Variants in NTRK2 observed in about 807,000 individuals in gnomAD.
The protein encoded by NTRK2 is neurotrophic receptor tyrosine kinase 2.
NTRK2 carries 13 observed loss-of-function variants against 94.5 expected under a neutral mutation model. The observed-to-expected ratio is 0.14, with a 90% confidence interval of 0.09 to 0.22. NTRK2 has a LOEUF of 0.22. Among genes scored for constraint, NTRK2 ranks in the 10% least tolerant of loss-of-function variants. The pLI, the probability that NTRK2 is intolerant of heterozygous loss-of-function variation, is 1.00. For missense variants in NTRK2, 639 were observed against 1,071.2 expected (o/e 0.60, Z 5.63); for synonymous variants, 372 against 407.4 (o/e 0.91, Z 1.05).
At chr9:84,912,729 C>G (rs2077276609) in intron 14 of NTRK2, among the ~76,000 whole-genome samples, 1 of 150,900 alleles carries the variant, frequency 6.6e-6, no homozygotes, top group Non-Finnish European at 1.5e-5. Flanking sequence ...ATGCCATTCT[C>G]CTGTCAGCCT....
chr9:84,881,149 G>A (rs1433974452), intron 14 of NTRK2, among the ~76,000 whole-genome samples: 1 of 152,280 alleles, frequency 6.6e-6, no homozygotes, highest in East Asian at 1.9e-4. Context: ...TTTCCCTGGG[G>A]TGGGGGTTAT....
At position 84,709,603 on chromosome 9, in the gene NTRK2, A is replaced by C. The variant is rs547483265; in HGVS notation, c.429-1034A>C. On this transcript the variant is annotated intron_variant, in intron 5 of 18. Transcript: ENST00000277120. Reference sequence around the variant, plus strand: ...CTGAGATTCTTAGAACCCAACCAGAAAACCACAGGAGTAAATGATGTTGCA... The same window carrying C: ...CTGAGATTCTTAGAACCCAACCAGACAACCACAGGAGTAAATGATGTTGCA... Among the ~76,000 whole-genome samples the C allele has an allele frequency of 2.0e-5, 3 of 152,306 alleles. No individual in the cohort carries two copies. In the East Asian group the frequency reaches 5.8e-4, roughly 29 times the overall value.
intron 17 of NTRK2, among the ~76,000 whole-genome samples, chr9:84,989,708 A>G (rs1828804394): frequency 6.6e-6 from 1 of 152,260 alleles, no homozygotes; most frequent in Admixed American, 6.5e-5. Flanking sequence ...GAACCAGGCT[A>G]TAAGCCTTCC....
At chr9:84,764,147 A>G (rs1041019866) in intron 12 of NTRK2, among the ~76,000 whole-genome samples, 2 of 152,184 alleles carry the variant, frequency 1.3e-5, no homozygotes, top group Admixed American at 6.5e-5. Context: ...TTGTTACACT[A>G]TCAGTGGAAG....
chr9:84,836,987 A>AATAG (rs2073917334), intron 12 of NTRK2, among the ~76,000 whole-genome samples: 1 of 129,034 alleles, frequency 7.7e-6, no homozygotes, highest in Non-Finnish European at 1.7e-5. Context: ...TAATATAATA[A>AATAG]TACTGGAATA....
intron 14 of NTRK2, among the ~76,000 whole-genome samples, chr9:84,925,975 A>T (rs1296924610): frequency 6.6e-6 from 1 of 152,106 alleles, no homozygotes; most frequent in African/African-American, 2.4e-5. Context: ...TTATTTAACA[A>T]TGAGGAAGGG....
intron 12 of NTRK2, among the ~76,000 whole-genome samples, chr9:84,782,835 C>T (rs920891069): frequency 6.6e-6 from 1 of 152,146 alleles, no homozygotes; most frequent in Admixed American, 6.5e-5. Context: ...TGGGTGGGAA[C>T]TCAGTTCTTT....
At chr9:84,982,453 A>G (rs906002444) in intron 17 of NTRK2, among the ~76,000 whole-genome samples, 5 of 152,190 alleles carry the variant, frequency 3.3e-5, no homozygotes, top group African/African-American at 1.2e-4. Context: ...CTAGGAATCT[A>G]TGGTCAAAAG....
chr9:84,977,859 T>C (rs1043320985), intron 17 of NTRK2, among the ~76,000 whole-genome samples: 13 of 152,378 alleles, frequency 8.5e-5, no homozygotes, highest in Non-Finnish European at 1.5e-4. Context: ...TGGTAACTCA[T>C]GCAAAATCTC....
chr9:84,885,297 A>G (rs994479848), intron 14 of NTRK2, among the ~76,000 whole-genome samples: 1 of 152,224 alleles, frequency 6.6e-6, no homozygotes, highest in Non-Finnish European at 1.5e-5. Context: ...CAAATGACCA[A>G]CCACTAAAAG....
chr9:84,711,039 T>G (rs1160462620), intron 6 of NTRK2, among the ~76,000 whole-genome samples: 1 of 152,170 alleles, frequency 6.6e-6, no homozygotes, highest in African/African-American at 2.4e-5. Flanking sequence ...GTTTGTTCAT[T>G]TGCTTATTTG....
At chr9:84,856,380 C>T (rs1344939552) in intron 12 of NTRK2, among the ~76,000 whole-genome samples, 1 of 152,156 alleles carries the variant, frequency 6.6e-6, no homozygotes, top group Non-Finnish European at 1.5e-5. Flanking sequence ...CTGTTCTGTG[C>T]CCGGAGGGAC....
At chr9:84,781,934 T>A (rs2067611875) in intron 12 of NTRK2, among the ~76,000 whole-genome samples, 1 of 152,118 alleles carries the variant, frequency 6.6e-6, no homozygotes, top group Non-Finnish European at 1.5e-5. Context: ...TCGTAACGAT[T>A]TTTTAATGGA....
chr9:84,956,850 G>GTT lies in NTRK2; in HGVS notation c.2172+1344_2172+1345dup, dbSNP rs61418898. ...ATTCTTCATTTGACTGTTTTGTGGT[G>GTT]TTTTTTTTTTTTCTTGGTCACCTTG... is the stretch of plus-strand genomic sequence containing the variant. On this transcript the variant is annotated intron_variant, in intron 17 of 18. Coordinates refer to ENST00000277120, the MANE Select transcript of NTRK2 (RefSeq NM_006180.6). Among the ~76,000 whole-genome samples the GTT allele has an allele frequency of 1.8e-3, 266 of 147,272 alleles. 1 individual carries two copies. Among genetic ancestry groups the GTT allele is most frequent in the African/African-American group, 5.9e-3 (236 of 40,024 alleles).
intron 2 of NTRK2, among the ~76,000 whole-genome samples, chr9:84,699,712 G>C (rs562246882): frequency 1.3e-5 from 2 of 150,166 alleles, no homozygotes; most frequent in African/African-American, 2.4e-5. Context: ...TGAATTCCGG[G>C]CTCCGTTGAT....
chr9:84,890,631 C>T (rs777632328), intron 14 of NTRK2, among the ~76,000 whole-genome samples: 6 of 152,136 alleles, frequency 3.9e-5, no homozygotes, highest in Non-Finnish European at 5.9e-5. Context: ...GAGGAAATTG[C>T]GAGATATAAA....
chr9:84,984,404 G>A (rs569703938), intron 17 of NTRK2, among the ~76,000 whole-genome samples: 13 of 152,192 alleles, frequency 8.5e-5, no homozygotes, highest in South Asian at 6.2e-4. Context: ...CCCGGGAGGC[G>A]GAGGTTGTAG....
At chr9:84,812,914 G>C (rs1361995609) in intron 12 of NTRK2, 1 of 1,033,080 alleles carries the variant, frequency 9.7e-7, no homozygotes, top group South Asian at 4.6e-5. Context: ...AAAACAGCAG[G>C]CTATTAGAAA....
intron 12 of NTRK2, among the ~76,000 whole-genome samples, chr9:84,767,227 G>A (rs192718001): frequency 1.3e-5 from 2 of 152,192 alleles, no homozygotes; most frequent in East Asian, 3.9e-4. Flanking sequence ...GTTGCTATTG[G>A]GAGAAAAATG....
Sources: gnomAD v4.1 joint callset for allele counts (sites outside exome capture counted in the v4.1 genomes callset) on GRCh38, gnomAD v4.1.1 for gene constraint, MANE v1.5 for transcripts, NCBI Gene and HGNC (gene_info 2026-07-23, HGNC 2026-07-21) for gene names.